Variants in ZNF407 observed in about 807,000 individuals in gnomAD.
ZNF407 encodes the protein zinc finger protein 407.
In ZNF407, 17 loss-of-function variants were observed where a neutral mutation model predicts 131.2. The ratio of observed to expected loss-of-function variants is 0.13; its 90% CI spans 0.09 to 0.19. The LOEUF (loss-of-function observed/expected upper bound fraction) is 0.19, where lower values mean the gene tolerates loss of function less well. Ranked by LOEUF, ZNF407 falls within the 10% of genes least tolerant of loss-of-function variation. The probability of loss-of-function intolerance (pLI) is 1.00; values close to 1 mark genes in which losing one functional copy is unlikely to be tolerated. For synonymous variants in ZNF407, 1,156 were observed against 1,062.0 expected (o/e 1.09, Z -1.72); for missense variants, 2,681 against 2,830.6 (o/e 0.95, Z 1.20).
Position 74,807,593 on chromosome 18 carries a change from G to A in ZNF407, c.4877+26091G>A, listed in dbSNP as rs1038991863. Among the ~76,000 whole-genome samples, 3 of 152,132 alleles carry A rather than the reference G, an allele frequency of 2.0e-5. No homozygotes were observed. In the East Asian group the frequency reaches 5.8e-4, roughly 29 times the overall value. On this transcript the variant is annotated intron_variant, in intron 4 of 8. Transcript: ENST00000299687. ...AGTTGGACAGGATATAATTTCAAGT[G>A]TAGAATAAAAATTGACATAGTAAAG...
At chr18:75,033,332 C>T (rs1973268574) in intron 8 of ZNF407, among the ~76,000 whole-genome samples, 1 of 152,174 alleles carries the variant, frequency 6.6e-6, no homozygotes. Flanking sequence ...GCTCGGAAAG[C>T]CTCTCCACAT....
intron 2 of ZNF407, among the ~76,000 whole-genome samples, chr18:74,637,186 A>G (rs894504008): frequency 1.3e-5 from 2 of 152,232 alleles, no homozygotes; most frequent in Non-Finnish European, 2.9e-5. Context: ...ATAATTTAAA[A>G]TAATCAATGT....
intron 1 of ZNF407, among the ~76,000 whole-genome samples, chr18:74,630,023 A>G (rs926108899): frequency 3.3e-5 from 5 of 152,192 alleles, no homozygotes; most frequent in Admixed American, 2.0e-4. Context: ...TGACAGCTGG[A>G]CTAGAAGTGG....
At chr18:74,698,016 A>T (rs892266449) in intron 3 of ZNF407, among the ~76,000 whole-genome samples, 1 of 152,224 alleles carries the variant, frequency 6.6e-6, no homozygotes, top group South Asian at 2.1e-4. Flanking sequence ...TGGCAACATC[A>T]TATCAGCATA....
rs140387987 is a variant in ZNF407 at position 74,925,327 on chromosome 18, C to T, written c.5428+4635C>T. Among the ~76,000 whole-genome samples the T allele has an allele frequency of 9.9e-3, 1,506 of 152,154 alleles. 11 individuals are homozygous for T. The highest frequency in any genetic ancestry group is 0.014 in the Non-Finnish European group (960 of 67,980). ...ATAAGCAGTTTGGTGTTCTCTATAA[C>T]GTGTATTATTTAACTGTATTCCCTA... On this transcript the variant is annotated intron_variant, in intron 8 of 8. Coordinates refer to ENST00000299687, the MANE Select transcript of ZNF407 (RefSeq NM_017757.3).
intron 8 of ZNF407, among the ~76,000 whole-genome samples, chr18:74,925,097 A>T (rs969440880): frequency 1.3e-5 from 2 of 152,202 alleles, no homozygotes; most frequent in African/African-American, 4.8e-5. Flanking sequence ...GTATGTAATG[A>T]TATGGTATTT....
At chr18:74,628,454 T>A (rs1169259652) in intron 1 of ZNF407, among the ~76,000 whole-genome samples, 1 of 152,228 alleles carries the variant, frequency 6.6e-6, no homozygotes, top group African/African-American at 2.4e-5. Flanking sequence ...TTTTTCTGTC[T>A]GTATAGATTT....
At chr18:74,753,183 T>C (rs886896899) in intron 3 of ZNF407, among the ~76,000 whole-genome samples, 1 of 152,184 alleles carries the variant, frequency 6.6e-6, no homozygotes, top group African/African-American at 2.4e-5. Context: ...GGCTCTCTGT[T>C]TGTCTGTTAT....
chr18:74,977,386 G>C (rs1276062179), intron 8 of ZNF407, among the ~76,000 whole-genome samples: 1 of 152,206 alleles, frequency 6.6e-6, no homozygotes, highest in Non-Finnish European at 1.5e-5. Context: ...TAAGATGTTT[G>C]TATGGAACAT....
intron 8 of ZNF407, among the ~76,000 whole-genome samples, chr18:74,958,543 G>A (rs1214011965): frequency 2.0e-5 from 3 of 151,406 alleles, no homozygotes; most frequent in Admixed American, 1.3e-4. Flanking sequence ...TGGCCATGAC[G>A]AGGAGCTGGT....
intron 8 of ZNF407, among the ~76,000 whole-genome samples, chr18:75,013,236 C>G (rs1477810370): frequency 6.6e-6 from 1 of 152,070 alleles, no homozygotes; most frequent in African/African-American, 2.4e-5. Context: ...AAAGTGGGTT[C>G]TGTGCACATT....
chr18:74,883,584 C>T (rs1231940044), intron 6 of ZNF407, among the ~76,000 whole-genome samples: 1 of 152,192 alleles, frequency 6.6e-6, no homozygotes, highest in Non-Finnish European at 1.5e-5. Flanking sequence ...CTGTCAGGGA[C>T]CCTTGATTCA....
chr18:74,968,870 C>T (rs1160115932), intron 8 of ZNF407, among the ~76,000 whole-genome samples: 2 of 151,836 alleles, frequency 1.3e-5, no homozygotes, highest in African/African-American at 4.8e-5. Flanking sequence ...TGGTGCAGCC[C>T]CTCCTCCTCC....
At chr18:74,968,393 T>A (rs1021136532) in intron 8 of ZNF407, among the ~76,000 whole-genome samples, 12 of 152,204 alleles carry the variant, frequency 7.9e-5, no homozygotes, top group Non-Finnish European at 1.8e-4. Context: ...TACTTCTGCT[T>A]CTCTTGTTTC....
intron 8 of ZNF407, among the ~76,000 whole-genome samples, chr18:75,016,746 G>A (rs1973049346): frequency 6.6e-6 from 1 of 152,072 alleles, no homozygotes; most frequent in South Asian, 2.1e-4. Context: ...ATCTATTTCT[G>A]ATTTTCTGCC....
At chr18:74,972,499 C>T (rs1170038267) in intron 8 of ZNF407, among the ~76,000 whole-genome samples, 2 of 152,208 alleles carry the variant, frequency 1.3e-5, no homozygotes, top group African/African-American at 4.8e-5. Context: ...TCCCTCAGCC[C>T]TTTCTTTCAC....
At chr18:75,010,225 A>G (rs756098170) in intron 8 of ZNF407, among the ~76,000 whole-genome samples, 1 of 152,168 alleles carries the variant, frequency 6.6e-6, no homozygotes, top group East Asian at 1.9e-4. Context: ...CCCTGTCTAC[A>G]TGAGATTTCA....
At chr18:74,768,562 C>T (rs1297516150) in intron 3 of ZNF407, among the ~76,000 whole-genome samples, 1 of 152,118 alleles carries the variant, frequency 6.6e-6, no homozygotes, top group Non-Finnish European at 1.5e-5. Context: ...GATAGGAAAA[C>T]TCTTAATTTA....
chr18:74,608,446 A>G (rs979744243), intron 1 of ZNF407, among the ~76,000 whole-genome samples: 6 of 151,438 alleles, frequency 4.0e-5, no homozygotes, highest in Non-Finnish European at 8.8e-5. Context: ...CTCCTGGTTC[A>G]AGCGATTCTT....
Sources: gnomAD v4.1 joint callset for allele counts (sites outside exome capture counted in the v4.1 genomes callset) on GRCh38, gnomAD v4.1.1 for gene constraint, MANE v1.5 for transcripts, NCBI Gene and HGNC (gene_info 2026-07-23, HGNC 2026-07-21) for gene names.